The following FOXP1 variants were observed in gnomAD, a reference collection of about 807,000 sequenced individuals.
FOXP1 encodes the protein forkhead box protein P1.
In FOXP1, 15 loss-of-function variants were observed where a neutral mutation model predicts 98.2. The observed-to-expected ratio is 0.15, with a 90% CI of 0.10 to 0.24. The LOEUF (loss-of-function observed/expected upper bound fraction) is 0.24, where lower values mean the gene tolerates loss of function less well. Among genes scored for constraint, FOXP1 ranks in the 10% least tolerant of loss-of-function variants. FOXP1 has a pLI of 1.00. For missense variants in FOXP1, 633 were observed against 848.5 expected, an observed-to-expected ratio of 0.75 and a Z score of 3.15; for synonymous variants, 371 against 314.5, an observed-to-expected ratio of 1.18 and a Z score of -1.90.
intron 19 of FOXP1, 47 bp from the exon 20 acceptor site, chr3:70,966,103 A>G: frequency 1.3e-6 from 2 of 1,492,782 alleles, no homozygotes; most frequent in Non-Finnish European, 1.9e-6. Flanking sequence ...GGTATGTAAG[A>G]CAAGGAAACT....
intron 3 of FOXP1, among the ~76,000 whole-genome samples, chr3:71,436,933 C>T (rs2085420174): frequency 6.6e-6 from 1 of 152,172 alleles, no homozygotes; most frequent in Non-Finnish European, 1.5e-5. Context: ...TCCATTTTTT[C>T]ACCTATCAAA....
chr3:71,015,798 CTAAT>C, intron 11 of FOXP1, 145 bp from the exon 12 acceptor site: 1 of 617,138 alleles, frequency 1.6e-6, no homozygotes, highest in East Asian at 2.8e-5. Context: ...ATGTAATTGA[CTAAT>C]TAATTCTGCA....
At chr3:71,128,490 T>C (rs1489711553) in intron 6 of FOXP1, among the ~76,000 whole-genome samples, 1 of 152,176 alleles carries the variant, frequency 6.6e-6, no homozygotes, top group East Asian at 1.9e-4. Flanking sequence ...CTCTCTGTAT[T>C]ACAGCACCTG....
At chr3:71,337,460 G>A (rs2076753824) in intron 4 of FOXP1, among the ~76,000 whole-genome samples, 1 of 152,214 alleles carries the variant, frequency 6.6e-6, no homozygotes, top group African/African-American at 2.4e-5. Context: ...GCGCGAGCAT[G>A]TGTATAGTTG....
chr3:71,435,251 AGAGG>A (rs1171243296), intron 3 of FOXP1, among the ~76,000 whole-genome samples: 5 of 3,728 alleles, frequency 1.3e-3, no homozygotes, highest in African/African-American at 4.2e-3. Context: ...AGGAAGGAAG[AGAGG>A]GAGGGAGGGA....
chr3:71,144,131 T>A (rs2060196994), intron 6 of FOXP1, among the ~76,000 whole-genome samples: 1 of 152,138 alleles, frequency 6.6e-6, no homozygotes, highest in African/African-American at 2.4e-5. Flanking sequence ...ACGATTCCCC[T>A]GCTAAAAGAG....
intron 5 of FOXP1, among the ~76,000 whole-genome samples, chr3:71,262,264 CAAAAAAAAAAAAAAAAAAAAA>C (rs71104433): frequency 2.7e-4 from 7 of 25,698 alleles, no homozygotes; most frequent in South Asian, 2.4e-3. Flanking sequence ...GACTCTGTCA[CAAAAAAAAAAAAAAAAAAAAA>C]AAAAAAAAAA....
In FOXP1 at chr3:70,988,005, C is replaced by T. The variant is rs149759021; in HGVS notation, c.1135G>A (p.Ala379Thr). 1.9e-5 allele frequency: 31 copies of T among 1,613,840 alleles called. No individual in the cohort carries two copies. The African/African-American group carries it at 2.8e-4, about 15-fold the overall frequency. Reference protein sequence around the residue: ...LHVKSTEPKAAPQPLNLVSSV... With the variant: ...LHVKSTEPKATPQPLNLVSSV... The stretch of plus-strand genomic sequence containing the variant: ...GGATCAATACTTACGGGCTGAGGGG[C>T]GGCTTTGGGTTCTGTAGACTTCACA... Residue 379 changes from alanine to threonine, a missense_variant, in exon 14 of 21, where the codon GCC (alanine) becomes ACC (threonine). Physicochemically the swap from Ala to Thr is moderately conservative, Grantham distance 58. Transcript: ENST00000649528.
At chr3:70,961,697 A>G (rs2033572058) in intron 20 of FOXP1, among the ~76,000 whole-genome samples, 1 of 151,998 alleles carries the variant, frequency 6.6e-6, no homozygotes, top group Non-Finnish European at 1.5e-5. Context: ...ATAATTTTGG[A>G]AGCCCAGTGC....
At chr3:71,130,552 C>T (rs1227394723) in intron 6 of FOXP1, 5 of 1,598,290 alleles carry the variant, frequency 3.1e-6, no homozygotes, top group Admixed American at 3.3e-5. Context: ...TTTGGATTTC[C>T]GTCTTCTTGC....
intron 5 of FOXP1, among the ~76,000 whole-genome samples, chr3:71,286,738 T>G (rs761637454): frequency 1.3e-5 from 2 of 152,176 alleles, no homozygotes; most frequent in Non-Finnish European, 2.9e-5. Context: ...ACCAACTTAA[T>G]GTCTAGAAAT....
At chr3:71,559,629 T>C (rs953533492) in intron 2 of FOXP1, among the ~76,000 whole-genome samples, 18 of 152,294 alleles carry the variant, frequency 1.2e-4, no homozygotes, top group Admixed American at 1.0e-3. Context: ...ACAGATCACT[T>C]GAGCCTAGAA....
chr3:71,286,937 G>A (rs908381092), intron 5 of FOXP1, among the ~76,000 whole-genome samples: 5 of 152,124 alleles, frequency 3.3e-5, no homozygotes, highest in East Asian at 1.9e-4. Flanking sequence ...GAGTTATCTC[G>A]AGATGTCCAA....
chr3:71,430,060 C>A (rs201812246), intron 3 of FOXP1, among the ~76,000 whole-genome samples: 1 of 152,154 alleles, frequency 6.6e-6, no homozygotes, highest in African/African-American at 2.4e-5. Context: ...GGAAGTGATA[C>A]GAGAGGTTTT....
chr3:70,961,511 G>A (rs1476304677), intron 20 of FOXP1, among the ~76,000 whole-genome samples: 1 of 152,154 alleles, frequency 6.6e-6, no homozygotes, highest in African/African-American at 2.4e-5. Context: ...GATTACAGGC[G>A]TGAGACACCA....
chr3:71,490,076 C>T (rs1439464888), intron 3 of FOXP1, among the ~76,000 whole-genome samples: 1 of 152,172 alleles, frequency 6.6e-6, no homozygotes, highest in Non-Finnish European at 1.5e-5. Context: ...CTAAAAGGCA[C>T]AGGACTGTGA....
chr3:71,260,740 A>C, intron 5 of FOXP1, among the ~76,000 whole-genome samples: 1 of 151,084 alleles, frequency 6.6e-6, no homozygotes. Flanking sequence ...ACAGGGTTTC[A>C]CTATGCTGGG....
At chr3:71,295,837 C>T (rs890372223) in intron 5 of FOXP1, among the ~76,000 whole-genome samples, 1 of 152,190 alleles carries the variant, frequency 6.6e-6, no homozygotes, top group Non-Finnish European at 1.5e-5. Context: ...AATAGAATGA[C>T]ATCTGTATAA....
At chr3:71,450,499 G>T (rs971816310) in intron 3 of FOXP1, among the ~76,000 whole-genome samples, 17 of 152,178 alleles carry the variant, frequency 1.1e-4, no homozygotes, top group Admixed American at 1.1e-3. Context: ...GCATTACCAA[G>T]CTACGAAATA....
Sources: allele counts gnomAD v4.1 joint callset (sites outside exome capture counted in the v4.1 genomes callset), GRCh38; gene constraint gnomAD v4.1.1; transcripts MANE v1.5; gene names NCBI Gene and HGNC (gene_info 2026-07-23, HGNC 2026-07-21).